AGRN: variants seen among roughly 807,000 people sequenced by gnomAD.
AGRN encodes agrin proteoglycan.
A neutral mutation model predicts 211.0 loss-of-function variants in AGRN; 106 were observed. The ratio of observed to expected loss-of-function variants is 0.50; its 90% confidence interval spans 0.43 to 0.59. AGRN has a LOEUF of 0.59. Ranked by LOEUF, AGRN falls within the 20% of genes least tolerant of loss-of-function variation. AGRN has a pLI of 0.00. For missense variants in AGRN, 3,040 were observed against 2,982.6 expected, an observed-to-expected ratio of 1.02 and a Z score of -0.45; for synonymous variants, 1,525 against 1,332.5, an observed-to-expected ratio of 1.14 and a Z score of -3.15.
intron 33 of AGRN, chr1:1,052,857 A>G (rs1327601043): frequency 1.3e-5 from 2 of 150,526 alleles, no homozygotes; most frequent in African/African-American, 2.6e-5. Context: ...GGGTCCATGT[A>G]TGTGTGTGTA....
At position 1,046,907 on chromosome 1, in the gene AGRN, G is replaced by C. The variant is rs1645113016; in HGVS notation, c.3338G>C (p.Cys1113Ser). ...TGCTACAACTCCGCGTTGGGCTGCT[G>C]CTCTGATGGGAAGACGCCCTCGCTG... is the stretch of plus-strand genomic sequence containing the variant. Reference protein sequence around the residue: ...ASCYNSALGCCSDGKTPSLDA... With the variant: ...ASCYNSALGCSSDGKTPSLDA... Residue 1113 changes from cysteine (C) to serine (S), a missense_variant, in exon 19 of 36, where the codon TGC becomes TCC. Cys to Ser is a moderately radical substitution (Grantham distance 112). Transcript: ENST00000379370. The C allele has an allele frequency of 9.5e-6, 15 of 1,582,430 alleles. No individual in the cohort carries two copies. The highest frequency in any genetic ancestry group is 1.3e-5 in the Non-Finnish European group (15 of 1,165,372).
rs537081417 is a variant in AGRN at position 1,022,061 on chromosome 1, C to T, written c.202-140C>T. ...TGGGCTTCCCCCAGCTTCCGCCCAG[C>T]GGGCTGACTCAGAGGTCTCCCCACA... On this transcript the variant is annotated intron_variant, in intron 1 of 35. Transcript: ENST00000379370. 4.7e-5 allele frequency: 50 copies of T among 1,073,982 alleles called. 1 individual carries two copies. Among genetic ancestry groups the T allele is most frequent in the East Asian group, 3.2e-4 (13 of 40,846 alleles). The allele number at this position is 1,073,982 out of a possible 1,614,324, so 66.5% of individuals were successfully genotyped here.
At position 1,049,636 on chromosome 1, in the gene AGRN, C is replaced by T. The variant is rs1310239552; in HGVS notation, c.4585C>T (p.Arg1529Cys). ...CIRLLDVNNQRLELGIGPGAA... is the reference protein window; with the variant it reads ...CIRLLDVNNQCLELGIGPGAA... ...CCGTTTGCTGGACGTCAACAACCAG[C>T]GCCTGGAGCTTGGCATTGGGCCGGG... Residue 1529 changes from arginine (R) to cysteine (C), a missense_variant, in exon 26 of 36, where the codon CGC becomes TGC. Physicochemically the swap from Arg to Cys is radical, Grantham distance 180. Transcript: ENST00000379370. 5.7e-6 allele frequency: 9 copies of T among 1,588,092 alleles called. No individual in the cohort carries two copies. Among genetic ancestry groups the T allele is most frequent in the Admixed American group, 5.4e-5 (3 of 55,712 alleles).
rs778404422 is a variant in AGRN at position 1,049,642 on chromosome 1, G to A, written c.4591G>A (p.Glu1531Lys). ...RLLDVNNQRLELGIGPGAATR... is the reference protein window; with the variant it reads ...RLLDVNNQRLKLGIGPGAATR... ...GCTGGACGTCAACAACCAGCGCCTGGAGCTTGGCATTGGGCCGGGGGCTGC... is the reference window on the plus strand; with the variant it reads ...GCTGGACGTCAACAACCAGCGCCTGAAGCTTGGCATTGGGCCGGGGGCTGC... The change falls in exon 26 of 36, where the codon GAG becomes AAG. Residue 1531 changes from glutamate (E) to lysine (K), a missense_variant. By Grantham distance (56) the Glu-to-Lys change is moderately conservative (BLOSUM62 1). This residue lies in a region of AGRN where 1,537 missense variants were observed against 1,505.0 expected (regional missense o/e 1.02). Coordinates refer to ENST00000379370, the MANE Select transcript of AGRN (RefSeq NM_198576.4). The A allele has an allele frequency of 6.3e-7, 1 of 1,587,218 alleles. No individual in the cohort carries two copies. The highest frequency in any genetic ancestry group is 2.3e-5 in the East Asian group (1 of 43,678).
chr1:1,026,659 C>A (rs564214660), intron 2 of AGRN, among the ~76,000 whole-genome samples: 1 of 152,096 alleles, frequency 6.6e-6, no homozygotes, highest in Non-Finnish European at 1.5e-5. Flanking sequence ...TTCTGGCACC[C>A]CCTCCCCACT....
At chr1:1,029,863 A>ATGTG (rs796743102) in intron 2 of AGRN, among the ~76,000 whole-genome samples, 1 of 37,422 alleles carries the variant, frequency 2.7e-5, no homozygotes, top group Non-Finnish European at 5.2e-5. Flanking sequence ...TGAGATCAGC[A>ATGTG]TGTGTGTGTG....
chr1:1,054,298 G>A (rs1365788703), intron 34 of AGRN, 150 bp from the exon 35 acceptor site: 10 of 762,096 alleles, frequency 1.3e-5, no homozygotes, highest in Non-Finnish European at 1.9e-5. Flanking sequence ...TTGGGGTCAA[G>A]GCCACCTCAT....
In AGRN at chr1:1,044,431, C is replaced by G. The variant is rs777321497; in HGVS notation, c.2246C>G (p.Ala749Gly). Reference sequence around the variant, plus strand: ...GGGCTCTACGTAGCGGCCCAGGGAGCCTGCCGAGGTGAGCCGGCTGCACGT... The same window carrying G: ...GGGCTCTACGTAGCGGCCCAGGGAGGCTGCCGAGGTGAGCCGGCTGCACGT... Reference protein sequence around the residue: ...QRGLYVAAQGACRGPTFAPLP... With the variant: ...QRGLYVAAQGGCRGPTFAPLP... Residue 749 changes from alanine (A) to glycine (G), a missense_variant, in exon 12 of 36, where the codon GCC (alanine) becomes GGC (glycine). Around this residue, in one of 3 missense-constraint regions of AGRN, gnomAD observed 1,498 missense variants for 1,457.8 expected, o/e 1.03. Coordinates refer to ENST00000379370, the MANE Select transcript of AGRN (RefSeq NM_198576.4). The G allele has an allele frequency of 7.5e-5, 121 of 1,608,654 alleles. No homozygotes were observed. The highest frequency in any genetic ancestry group is 9.9e-5 in the Non-Finnish European group (117 of 1,178,012).
rs138165746 is a variant in AGRN, at chr1:1,041,970, C to A, written c.1192C>A (p.Pro398Thr). 2 of 1,611,738 alleles carry A rather than the reference C, an allele frequency of 1.2e-6. No homozygotes were observed. The highest frequency in any genetic ancestry group is 1.7e-6 in the Non-Finnish European group (2 of 1,179,660). The change falls in exon 7 of 36, where the codon CCC becomes ACC. Residue 398 changes from proline (P) to threonine (T), a missense_variant. Pro to Thr is a conservative substitution (Grantham distance 38, BLOSUM62 -1). Transcript: ENST00000379370. The part of the protein sequence containing the change: ...QCQGRDQCPE[P>T]CRFNAVCLSR... ...CTGCGTCCTAGACCAGTGCCCGGAG[C>A]CCTGCCGGTTCAATGCCGTGTGCCT...
intron 2 of AGRN, among the ~76,000 whole-genome samples, chr1:1,033,877 C>T (rs1644734860): frequency 1.3e-5 from 2 of 150,454 alleles, no homozygotes; most frequent in Admixed American, 1.3e-4. Context: ...TTTTGTGCGG[C>T]GCTCTCCCGT....
chr1:1,042,359 G>T (rs1210053498), intron 7 of AGRN, among the ~76,000 whole-genome samples, 197 bp downstream of exon 7: 1 of 152,192 alleles, frequency 6.6e-6, no homozygotes, highest in Non-Finnish European at 1.5e-5. Flanking sequence ...TGAGGCAGAG[G>T]CGGGGCCTTG....
intron 2 of AGRN, among the ~76,000 whole-genome samples, chr1:1,027,339 C>T (rs1246580092): frequency 6.6e-6 from 1 of 152,236 alleles, no homozygotes; most frequent in African/African-American, 2.4e-5. Flanking sequence ...CACTAGTGGG[C>T]CATGGTTCTT....
Position 1,031,377 on chromosome 1 carries a change from C to T in AGRN, c.464-3900C>T, listed in dbSNP as rs1364824523. Among the ~76,000 whole-genome samples, 2 of 152,168 alleles carry T rather than the reference C, an allele frequency of 1.3e-5. No individual in the cohort carries two copies. Among genetic ancestry groups the T allele is most frequent in the Non-Finnish European group, 2.9e-5 (2 of 68,020 alleles). On this transcript the variant is annotated intron_variant, in intron 2 of 35. Transcript: ENST00000379370. This position sits in a 1 kb window ranked among gnomAD's most constrained non-coding sequence, Gnocchi z 4.8. ...TTTCCTGCACATGAGCCTGCGTGGG[C>T]TGGTCAGGGCTGAATGATTTTGTCT...
At position 1,032,422 on chromosome 1, in the gene AGRN, A is replaced by G. The variant is rs1644693424; in HGVS notation, c.464-2855A>G. 6.6e-6 allele frequency among the ~76,000 whole-genome samples: 1 copy of G among 152,144 alleles called. No homozygotes were observed. The highest frequency in any genetic ancestry group is 6.5e-5 in the Admixed American group (1 of 15,278). On this transcript the variant is annotated intron_variant, in intron 2 of 35. Transcript: ENST00000379370. This position sits in a 1 kb window ranked among gnomAD's most constrained non-coding sequence, Gnocchi z 4.7. ...CTGGGGCCCTTGGAGGAGCCTGACC[A>G]GGAGGTGAGACAGGGCACCTGGAAG...
At chr1:1,040,087 G>A (rs900443696) in intron 3 of AGRN, among the ~76,000 whole-genome samples, 3 of 152,206 alleles carry the variant, frequency 2.0e-5, no homozygotes, top group African/African-American at 7.2e-5. Flanking sequence ...ACCCCGTCCC[G>A]GTGGGGCTCT....
In AGRN at chr1:1,020,230, G is replaced by T; in HGVS notation, c.58G>T (p.Ala20Ser). The T allele has an allele frequency of 2.1e-6, 3 of 1,423,930 alleles. No homozygotes were observed. The South Asian group carries it at 4.3e-5, about 20-fold the overall frequency. 88.2% of individuals were successfully genotyped at this position (1,423,930 alleles called of 1,614,324 possible). The change falls in exon 1 of 36, where the codon GCC (alanine) becomes TCC (serine). Residue 20 changes from alanine (A) to serine (S), a missense_variant. Around this residue, in one of 3 missense-constraint regions of AGRN, gnomAD observed 1,498 missense variants for 1,457.8 expected, o/e 1.03. Coordinates refer to ENST00000379370, the MANE Select transcript of AGRN (RefSeq NM_198576.4). The stretch of plus-strand genomic sequence containing the variant: ...GCCGCTGCTGCCGCTCCTTGTGGTG[G>T]CCGCGTGCGTCCTGCCCGGAGCCGG... ...LRPLLPLLVVAACVLPGAGGT... is the reference protein window; with the variant it reads ...LRPLLPLLVVSACVLPGAGGT...
chr1:1,048,635 T>G lies in AGRN; in HGVS notation c.4106-232T>G. ...AAAATACAAAATTAGCCGGGCGTGGTGGTGGGCGCCTGTAATCCCACCTCG... is the reference window on the plus strand; with the variant it reads ...AAAATACAAAATTAGCCGGGCGTGGGGGTGGGCGCCTGTAATCCCACCTCG... On this transcript the variant is annotated intron_variant, in intron 23 of 35. Coordinates refer to ENST00000379370, the MANE Select transcript of AGRN (RefSeq NM_198576.4). The surrounding 1 kb of genome is among the most constrained non-coding windows in gnomAD (Gnocchi z 5.9). The G allele has an allele frequency of 1.7e-6, 1 of 602,674 alleles. No individual in the cohort carries two copies. Among genetic ancestry groups the G allele is most frequent in the Non-Finnish European group, 2.8e-6 (1 of 351,290 alleles). The allele number at this position is 602,674 out of a possible 1,614,324, so 37.3% of individuals were successfully genotyped here. A position where few individuals can be genotyped will look rare whatever the true frequency, so the allele number is the denominator to read the frequency against.
Position 1,020,294 on chromosome 1 carries a change from A to G in AGRN, c.122A>G (p.Glu41Gly). 6.8e-7 allele frequency: 1 copy of G among 1,476,164 alleles called. No individual in the cohort carries two copies. Among genetic ancestry groups the G allele is most frequent in the Middle Eastern group, 2.3e-4 (1 of 4,360 alleles). 91.4% of individuals were successfully genotyped at this position (1,476,164 alleles called of 1,614,324 possible). A position where few individuals can be genotyped will look rare whatever the true frequency, so the allele number is the denominator to read the frequency against. Reference sequence around the variant, plus strand: ...GAGCGCGCGCTGGAGCGGCGCGAGGAGGAGGCGAACGTGGTGCTCACCGGG... The same window carrying G: ...GAGCGCGCGCTGGAGCGGCGCGAGGGGGAGGCGAACGTGGTGCTCACCGGG... ...CPERALERRE[E>G]EANVVLTGTV... The change falls in exon 1 of 36, where the codon GAG becomes GGG. Residue 41 changes from glutamate (E) to glycine (G), a missense_variant. Glu to Gly is a moderately conservative substitution (Grantham distance 98, BLOSUM62 -2). Coordinates refer to ENST00000379370, the MANE Select transcript of AGRN (RefSeq NM_198576.4).
chr1:1,044,819 T>C (rs1417281274), intron 12 of AGRN, among the ~76,000 whole-genome samples: 1 of 152,188 alleles, frequency 6.6e-6, no homozygotes, highest in Non-Finnish European at 1.5e-5. Flanking sequence ...GCGTTAACTG[T>C]ACGGTTTGGA....
Sources: gnomAD v4.1 joint callset for allele counts (sites outside exome capture counted in the v4.1 genomes callset) on GRCh38, gnomAD v4.1.1 for gene constraint, gnomAD v4.1.1 regional missense constraint, Gnocchi (gnomAD v3.1) non-coding constraint, MANE v1.5 for transcripts, NCBI Gene and HGNC (gene_info 2026-07-23, HGNC 2026-07-21) for gene names.